Variants in EXTL3 observed in about 807,000 individuals in gnomAD.
EXTL3 encodes exostosin like glycosyltransferase 3, also known as exostosin-like 3.
In EXTL3, 27 loss-of-function variants were observed where a neutral mutation model predicts 69.3. The observed-to-expected ratio is 0.39, with a 90% CI of 0.29 to 0.54. EXTL3 has a LOEUF of 0.54. Ranked by LOEUF, EXTL3 falls within the 20% of genes least tolerant of loss-of-function variation. The probability of loss-of-function intolerance (pLI) is 0.69; values close to 1 mark genes in which losing one functional copy is unlikely to be tolerated. For synonymous variants in EXTL3, 511 were observed against 499.4 expected, an observed-to-expected ratio of 1.02 and a Z score of -0.31; for missense variants, 1,003 against 1,231.8, an observed-to-expected ratio of 0.81 and a Z score of 2.78.
At chr8:28,614,729 G>T (rs1806310894) in intron 2 of EXTL3, among the ~76,000 whole-genome samples, 1 of 152,126 alleles carries the variant, frequency 6.6e-6, no homozygotes, top group Non-Finnish European at 1.5e-5. Context: ...TTTGATAAAT[G>T]ATATTTTCAT....
At chr8:28,739,551 G>C (rs568084924) in intron 5 of EXTL3, among the ~76,000 whole-genome samples, 1 of 152,046 alleles carries the variant, frequency 6.6e-6, no homozygotes, top group African/African-American at 2.4e-5. Context: ...GGCTGGTCTC[G>C]AACTCCTGGA....
intron 3 of EXTL3, among the ~76,000 whole-genome samples, chr8:28,720,270 G>T (rs1394392073): frequency 2.0e-5 from 3 of 152,268 alleles, no homozygotes; most frequent in East Asian, 3.9e-4. Flanking sequence ...TCTTCTAGAT[G>T]TAGACGTAGC....
chr8:28,674,561 G>A (rs1456539185), intron 1 of EXTL3, among the ~76,000 whole-genome samples: 2 of 152,186 alleles, frequency 1.3e-5, no homozygotes, highest in African/African-American at 4.8e-5. Flanking sequence ...GTACAGAAGG[G>A]CGGAAATTGC....
chr8:28,732,259 G>A (rs187037050), intron 4 of EXTL3, among the ~76,000 whole-genome samples: 7 of 152,320 alleles, frequency 4.6e-5, no homozygotes. Context: ...TTTAGGGACA[G>A]TTTGTTACCT....
At chr8:28,703,564 T>C (rs1203420193) in intron 1 of EXTL3, among the ~76,000 whole-genome samples, 1 of 152,032 alleles carries the variant, frequency 6.6e-6, no homozygotes, top group Non-Finnish European at 1.5e-5. Flanking sequence ...TTATGGGTGA[T>C]GAGGGGCTGC....
intron 1 of EXTL3, among the ~76,000 whole-genome samples, chr8:28,671,919 T>C (rs1455401988): frequency 6.6e-6 from 1 of 152,176 alleles, no homozygotes; most frequent in African/African-American, 2.4e-5. Context: ...GCAGGTAAAG[T>C]GCTTGAGCCC....
chr8:28,717,963 G>A lies in EXTL3; in HGVS notation c.1904G>A (p.Gly635Asp), dbSNP rs780962047. ...SEAKFLGSGT[G>D]FRPIGGGAGG... ...GCCAAATTCTTGGGCTCAGGGACTG[G>A]CTTTCGGCCTATTGGTGGTGGAGCT... The change falls in exon 3 of 7, where the codon GGC (glycine) becomes GAC (aspartate). Residue 635 changes from glycine (G) to aspartate (D), a missense_variant. Physicochemically the swap from Gly to Asp is moderately conservative, Grantham distance 94. This residue lies in a region of EXTL3 where 261 missense variants were observed against 416.4 expected (regional missense o/e 0.63). Coordinates refer to ENST00000220562, the MANE Select transcript of EXTL3 (RefSeq NM_001440.4). This position sits in a 1 kb window ranked among gnomAD's most constrained non-coding sequence, Gnocchi z 8.3. 6.2e-7 allele frequency: 1 copy of A among 1,614,182 alleles called. No homozygotes were observed. The highest frequency in any genetic ancestry group is 2.2e-5 in the East Asian group (1 of 44,888).
chr8:28,709,155 A>G (rs1181977731), intron 1 of EXTL3, among the ~76,000 whole-genome samples: 1 of 152,192 alleles, frequency 6.6e-6, no homozygotes, highest in Non-Finnish European at 1.5e-5. Context: ...GTTTTACCAC[A>G]TAACATGGGT....
intron 3 of EXTL3, among the ~76,000 whole-genome samples, chr8:28,726,513 T>C (rs1801415654): frequency 6.6e-6 from 1 of 152,216 alleles, no homozygotes; most frequent in Non-Finnish European, 1.5e-5. Context: ...AAGTGCTGTT[T>C]TGGTTTACTG....
intron 1 of EXTL3, among the ~76,000 whole-genome samples, chr8:28,676,733 C>A (rs972824199): frequency 5.9e-5 from 9 of 152,068 alleles, no homozygotes; most frequent in African/African-American, 1.9e-4. Context: ...AAGGTGCACA[C>A]CTTAAAGGGA....
intron 5 of EXTL3, chr8:28,742,675 G>A (rs1801804963): frequency 3.2e-6 from 1 of 314,896 alleles, no homozygotes; most frequent in African/African-American, 2.2e-5. Flanking sequence ...TGTGTTTCAT[G>A]GTTCTGTGAT....
intron 1 of EXTL3, chr8:28,710,613 CTTT>C (rs11446791): frequency 0.016 from 4,260 of 267,616 alleles, no homozygotes; most frequent in South Asian, 0.025. Flanking sequence ...TTCTTTCTTT[CTTT>C]TTTTTTTTTT....
chr8:28,613,324 C>A (rs770016906), intron 2 of EXTL3, among the ~76,000 whole-genome samples: 1 of 152,096 alleles, frequency 6.6e-6, no homozygotes, highest in Non-Finnish European at 1.5e-5. Flanking sequence ...GCTGGGATTA[C>A]AGGCAACTGC....
At position 28,751,251 on chromosome 8, in the gene EXTL3, A is replaced by G. The variant is rs754800560; in HGVS notation, c.*385A>G. ...GATTTGCCATTCAAGGCTTATTTAT[A>G]TATATGTGTGTGTATATAAATACAT... On this transcript the variant is annotated 3_prime_UTR_variant, in exon 7 of 7. Transcript: ENST00000220562. 2.7e-5 allele frequency: 7 copies of G among 262,458 alleles called. No individual in the cohort carries two copies. Among genetic ancestry groups the G allele is most frequent in the East Asian group, 8.8e-5 (1 of 11,406 alleles). The allele number at this position is 262,458 out of a possible 1,614,324, so 16.3% of individuals were successfully genotyped here. A position where few individuals can be genotyped will look rare whatever the true frequency, so the allele number is the denominator to read the frequency against.
intron 5 of EXTL3, chr8:28,742,500 G>A (rs1801800875): frequency 5.9e-6 from 1 of 169,808 alleles, no homozygotes; most frequent in Non-Finnish European, 1.3e-5. Context: ...CTGCTGCGCT[G>A]GGACTAGCAC....
At chr8:28,639,465 A>G (rs1806709285) in intron 1 of EXTL3, among the ~76,000 whole-genome samples, 1 of 152,200 alleles carries the variant, frequency 6.6e-6, no homozygotes, top group South Asian at 2.1e-4. Flanking sequence ...ATCTGGTCCC[A>G]TCCCTTCGAT....
intron 1 of EXTL3, among the ~76,000 whole-genome samples, chr8:28,675,720 C>T (rs572598388): frequency 2.0e-5 from 3 of 152,142 alleles, no homozygotes; most frequent in South Asian, 2.1e-4. Context: ...CAGCTTTGGG[C>T]GTTAGAAAAT....
At chr8:28,721,877 G>A (rs1801298640) in intron 3 of EXTL3, among the ~76,000 whole-genome samples, 1 of 152,124 alleles carries the variant, frequency 6.6e-6, no homozygotes, top group Non-Finnish European at 1.5e-5. Context: ...GTTAGGAAAG[G>A]GACATCTTTC....
chr8:28,727,523 T>C (rs1396864006), intron 3 of EXTL3, among the ~76,000 whole-genome samples: 1 of 152,242 alleles, frequency 6.6e-6, no homozygotes, highest in Non-Finnish European at 1.5e-5. Context: ...GATCTAGATA[T>C]CAAATCATTG....
Sources: allele counts gnomAD v4.1 joint callset (sites outside exome capture counted in the v4.1 genomes callset), GRCh38; gene constraint gnomAD v4.1.1; regional missense constraint gnomAD v4.1.1; non-coding constraint Gnocchi (gnomAD v3.1); transcripts MANE v1.5; gene names NCBI Gene and HGNC (gene_info 2026-07-23, HGNC 2026-07-21).